Variants in CNTN4 observed in about 807,000 individuals in gnomAD.
CNTN4 encodes the protein contactin 4, also known as contactin-4.
Under a neutral mutation model 122.5 loss-of-function variants are expected in CNTN4, and 77 were observed. The observed-to-expected ratio is 0.63, with a 90% CI of 0.52 to 0.76. The LOEUF is 0.76. Ranked by LOEUF, CNTN4 falls within the 30% of genes least tolerant of loss-of-function variation. CNTN4 has a pLI of 0.00. For missense variants in CNTN4, 1,256 were observed against 1,259.1 expected (o/e 1.00, Z 0.04); for synonymous variants, 512 against 447.0 (o/e 1.15, Z -1.83).
chr3:2,311,561 A>C (rs1207765988), intron 2 of CNTN4, among the ~76,000 whole-genome samples: 1 of 152,062 alleles, frequency 6.6e-6, no homozygotes, highest in South Asian at 2.1e-4. Flanking sequence ...AGCATTCTTG[A>C]CAGAGAATGC....
intron 13 of CNTN4, among the ~76,000 whole-genome samples, chr3:2,977,993 A>G (rs1401580149): frequency 6.6e-6 from 1 of 152,164 alleles, no homozygotes; most frequent in Non-Finnish European, 1.5e-5. Context: ...AAGGAACACC[A>G]AAAAACAAAA....
At position 2,494,505 on chromosome 3, in the gene CNTN4, T is replaced by C. The variant is rs145714759; in HGVS notation, c.-88-76911T>C. On this transcript the variant is annotated intron_variant, in intron 3 of 24. Coordinates refer to ENST00000418658, the MANE Select transcript of CNTN4 (RefSeq NM_175607.3). ...TGTTGAAGCCAAGGTTCTTGTTATG[T>C]AGATGAAGCTTCCAGGTAGCAAGCT... Among the ~76,000 whole-genome samples, 367 of 152,218 alleles carry C rather than the reference T, an allele frequency of 2.4e-3. 1 individual carries two copies. The highest frequency in any genetic ancestry group is 4.2e-3 in the Non-Finnish European group (287 of 68,018).
chr3:2,770,472 A>T (rs1400454304), intron 6 of CNTN4, among the ~76,000 whole-genome samples: 2 of 152,186 alleles, frequency 1.3e-5, no homozygotes, highest in Non-Finnish European at 2.9e-5. Flanking sequence ...ATCCCAAGAG[A>T]GGAAGTGCAT....
intron 4 of CNTN4, among the ~76,000 whole-genome samples, chr3:2,724,527 CT>C (rs1307494440): frequency 6.6e-6 from 1 of 152,164 alleles, no homozygotes; most frequent in African/African-American, 2.4e-5. Context: ...AGATTACTCC[CT>C]TTCACGCTTC....
chr3:2,884,307 A>G (rs2093945249), intron 9 of CNTN4, among the ~76,000 whole-genome samples: 2 of 152,140 alleles, frequency 1.3e-5, no homozygotes, highest in South Asian at 4.1e-4. Flanking sequence ...TTTTACAGCA[A>G]TCATAGAAGA....
At position 2,152,075 on chromosome 3, in the gene CNTN4, T is replaced by C. The variant is rs181004001; in HGVS notation, c.-145+51436T>C. On this transcript the variant is annotated intron_variant, in intron 2 of 24. Transcript: ENST00000418658. ...GTGCAGGAATAGGTGGGCTACAGTG[T>C]AAAACACTGAGGTCAAGGTAGGTCT... Among the ~76,000 whole-genome samples the C allele has an allele frequency of 1.1e-4, 17 of 152,308 alleles. No homozygotes were observed. In the East Asian group the frequency reaches 3.3e-3, roughly 29 times the overall value.
rs567062395 is a variant in CNTN4 at position 2,804,978 on chromosome 3, C to G, written c.359-14508C>G. 3.3e-5 allele frequency among the ~76,000 whole-genome samples: 5 copies of G among 152,210 alleles called. No homozygotes were observed. The South Asian group carries it at 1.0e-3, about 32-fold the overall frequency. On this transcript the variant is annotated intron_variant, in intron 6 of 24. Coordinates refer to ENST00000418658, the MANE Select transcript of CNTN4 (RefSeq NM_175607.3). ...TCACCTGAGGTCAGGAGTTCAAGAC[C>G]AGCCTGGCCAACAAGGTGAAATCCC...
At chr3:2,441,933 T>C (rs2048457230) in intron 3 of CNTN4, among the ~76,000 whole-genome samples, 1 of 152,188 alleles carries the variant, frequency 6.6e-6, no homozygotes, top group African/African-American at 2.4e-5. Context: ...TCATTTCTGA[T>C]TAACCTTCAT....
At chr3:2,806,095 G>T (rs1368383643) in intron 6 of CNTN4, among the ~76,000 whole-genome samples, 4 of 152,070 alleles carry the variant, frequency 2.6e-5, no homozygotes, top group Admixed American at 2.0e-4. Context: ...AGAGACGGGG[G>T]TCTCACCTTG....
chr3:2,518,242 C>A (rs778013414), intron 3 of CNTN4, among the ~76,000 whole-genome samples: 1 of 152,010 alleles, frequency 6.6e-6, no homozygotes, highest in African/African-American at 2.4e-5. Flanking sequence ...TGTGCACACA[C>A]GCACATGCAC....
intron 2 of CNTN4, among the ~76,000 whole-genome samples, chr3:2,257,257 A>G (rs148047366): frequency 4.6e-5 from 7 of 152,208 alleles, no homozygotes; most frequent in Admixed American, 2.0e-4. Flanking sequence ...TGAAACTGGA[A>G]CCCTTCCTTA....
intron 2 of CNTN4, among the ~76,000 whole-genome samples, chr3:2,124,124 C>T (rs554573144): frequency 6.6e-6 from 1 of 152,244 alleles, no homozygotes; most frequent in South Asian, 2.1e-4. Flanking sequence ...ACAGTATACC[C>T]TGTCAAAGAG....
At chr3:2,714,047 C>G (rs941516232) in intron 4 of CNTN4, among the ~76,000 whole-genome samples, 2 of 152,192 alleles carry the variant, frequency 1.3e-5, no homozygotes, top group African/African-American at 4.8e-5. Flanking sequence ...TGGATTTTAT[C>G]CTTCTACAGA....
intron 6 of CNTN4, among the ~76,000 whole-genome samples, chr3:2,781,970 G>A (rs112313827): frequency 0.08 from 11,980 of 150,110 alleles, 527 homozygotes; most frequent in East Asian, 0.13. Context: ...TGATCCCCCC[G>A]CCTCGGCCTC....
chr3:2,555,476 G>A (rs1178303696), intron 3 of CNTN4, among the ~76,000 whole-genome samples: 1 of 152,168 alleles, frequency 6.6e-6, no homozygotes, highest in Non-Finnish European at 1.5e-5. Context: ...AAGGCATAAA[G>A]ACAAAGGTTA....
At chr3:2,383,406 A>C (rs1297970447) in intron 3 of CNTN4, among the ~76,000 whole-genome samples, 2 of 152,128 alleles carry the variant, frequency 1.3e-5, no homozygotes, top group Non-Finnish European at 2.9e-5. Flanking sequence ...CTTTCTATGC[A>C]CAGTTTTAAC....
At chr3:2,362,173 C>T (rs535751212) in intron 3 of CNTN4, 125 of 162,790 alleles carry the variant, frequency 7.7e-4, no homozygotes, top group Non-Finnish European at 9.9e-4. Flanking sequence ...GGGCCCAGAT[C>T]TATCAGGGGT....
chr3:2,215,205 A>G (rs929127628), intron 2 of CNTN4, among the ~76,000 whole-genome samples: 9 of 152,186 alleles, frequency 5.9e-5, no homozygotes, highest in South Asian at 2.1e-4. Context: ...CAAAAAATGT[A>G]TAGTATTTGG....
intron 4 of CNTN4, among the ~76,000 whole-genome samples, chr3:2,704,540 A>G (rs1330823832): frequency 1.3e-5 from 2 of 152,134 alleles, no homozygotes; most frequent in African/African-American, 4.8e-5. Flanking sequence ...TATCTAATGC[A>G]GTGACAAAAC....
Sources: gnomAD v4.1 joint callset for allele counts (sites outside exome capture counted in the v4.1 genomes callset) on GRCh38, gnomAD v4.1.1 for gene constraint, MANE v1.5 for transcripts, NCBI Gene and HGNC (gene_info 2026-07-23, HGNC 2026-07-21) for gene names.